The following FNTB variants were observed in gnomAD, a reference collection of about 807,000 sequenced individuals.
FNTB encodes the protein farnesyltransferase, CAAX box, subunit beta.
FNTB carries 27 observed loss-of-function variants against 59.4 expected under a neutral mutation model. That is an observed-to-expected ratio of 0.45 (90% CI 0.34 to 0.63). The LOEUF (loss-of-function observed/expected upper bound fraction) is 0.63. Ranked by LOEUF, FNTB falls within the 20% of genes least tolerant of loss-of-function variation. FNTB has a pLI of 0.02. For missense variants in FNTB, 449 were observed against 559.6 expected (o/e 0.80, Z 1.99); for synonymous variants, 230 against 220.7 (o/e 1.04, Z -0.37).
Position 65,011,211 on chromosome 14 carries a change from T to A in FNTB, c.210-1106T>A, listed in dbSNP as rs913183170. 6.6e-6 allele frequency among the ~76,000 whole-genome samples: 1 copy of A among 152,188 alleles called. No homozygotes were observed. Among genetic ancestry groups the A allele is most frequent in the African/African-American group, 2.4e-5 (1 of 41,442 alleles). On this transcript the variant is annotated intron_variant, in intron 2 of 11. Coordinates refer to ENST00000246166, the MANE Select transcript of FNTB (RefSeq NM_002028.4). This position sits in a 1 kb window ranked among gnomAD's most constrained non-coding sequence, Gnocchi z 4.0. ...TGGGAGGCCAAGGCAGGGGATTACCTGAGGTCAGGAGTTCAAGACCAGCCT... is the reference window on the plus strand; with the variant it reads ...TGGGAGGCCAAGGCAGGGGATTACCAGAGGTCAGGAGTTCAAGACCAGCCT...
intron 2 of FNTB, among the ~76,000 whole-genome samples, chr14:65,010,111 C>T (rs937789596): frequency 1.3e-5 from 2 of 152,316 alleles, no homozygotes; most frequent in South Asian, 2.1e-4. Context: ...TGTCTTTTCC[C>T]CTCAGTCTTG....
rs116076072 is a variant in FNTB at position 65,032,903 on chromosome 14, G to A, written c.692+207G>A. Among the ~76,000 whole-genome samples, 780 of 142,964 alleles carry A rather than the reference G, an allele frequency of 5.5e-3. 4 individuals are homozygous for A. The highest frequency in any genetic ancestry group is 0.019 in the African/African-American group (753 of 40,042). The allele number at this position is 142,964 out of a possible 152,430, so 93.8% of individuals were successfully genotyped here. A position where few individuals can be genotyped will look rare whatever the true frequency, so the allele number is the denominator to read the frequency against. On this transcript the variant is annotated intron_variant, in intron 7 of 11. Coordinates refer to ENST00000246166, the MANE Select transcript of FNTB (RefSeq NM_002028.4). This position sits in a 1 kb window ranked among gnomAD's most constrained non-coding sequence, Gnocchi z 5.0. ...TAATGTTATATTATATTTTAGATTG[G>A]CAAAGATAAAAAACTTTGGTAAACA...
At position 65,028,760 on chromosome 14, in the gene FNTB, C is replaced by T. The variant is rs966549992; in HGVS notation, c.605+979C>T. On this transcript the variant is annotated intron_variant, in intron 6 of 11. Transcript: ENST00000246166. The surrounding 1 kb of genome is among the most constrained non-coding windows in gnomAD (Gnocchi z 4.4). ...GTGTATACCAGTGAAACCAGTAGAA[C>T]GACTGAGGTAAATCAGTATGTGTTG... Among the ~76,000 whole-genome samples the T allele has an allele frequency of 3.0e-4, 46 of 152,258 alleles. No individual in the cohort carries two copies. Among genetic ancestry groups the T allele is most frequent in the African/African-American group, 1.0e-3 (42 of 41,558 alleles).
rs1421955146 is a variant in FNTB at position 65,004,250 on chromosome 14, C to T, written c.146C>T (p.Ala49Val). The change falls in exon 2 of 12, where the codon GCA becomes GTA. Residue 49 changes from alanine to valine, a missense_variant and splice_region_variant. This residue lies in a region of FNTB where 112 missense variants were observed against 80.5 expected (regional missense o/e 1.39). Transcript: ENST00000246166. ...TCCTATCTCCTGCATCCTTACCAGG[C>T]AAAAGTAGAAGAAAAGATCCAAGAG... ...SVETVTSIEQ[A>V]KVEEKIQEVF... 1 of 1,613,402 alleles carries T rather than the reference C, an allele frequency of 6.2e-7. No homozygotes were observed. The highest frequency in any genetic ancestry group is 2.2e-5 in the East Asian group (1 of 44,856).
At chr14:65,061,102 C>T in intron 11 of FNTB, 79 bp from the exon 12 acceptor site, 19 of 1,565,464 alleles carry the variant, frequency 1.2e-5, no homozygotes, top group Non-Finnish European at 1.6e-5. Flanking sequence ...CTTAGAAGTG[C>T]CTTTCATGGA....
intron 7 of FNTB, among the ~76,000 whole-genome samples, chr14:65,040,247 CTA>C (rs965434421): frequency 2.7e-5 from 4 of 148,116 alleles, no homozygotes; most frequent in Non-Finnish European, 4.5e-5. Flanking sequence ...ATGGTTATCA[CTA>C]TATATATATG....
Position 65,031,979 on chromosome 14 carries a change from CGTGTGTGTGTGTGT to C in FNTB, c.606-604_606-591del, listed in dbSNP as rs563468928. On this transcript the variant is annotated intron_variant, in intron 6 of 11. Transcript: ENST00000246166. This position sits in a 1 kb window ranked among gnomAD's most constrained non-coding sequence, Gnocchi z 4.6. ...ATAGACGTGCGCCTTTTTCATTTAA[CGTGTGTGTGTGTGT>C]GTGTGTGTGTGTGTGTGTGTGTGTG... Among the ~76,000 whole-genome samples the C allele has an allele frequency of 3.7e-4, 52 of 141,288 alleles. 1 individual carries two copies. Among genetic ancestry groups the C allele is most frequent in the African/African-American group, 9.8e-4 (37 of 37,890 alleles). 92.7% of individuals were successfully genotyped at this position (141,288 alleles called of 152,430 possible).
intron 4 of FNTB, among the ~76,000 whole-genome samples, chr14:65,020,594 C>T (rs988113097): frequency 3.3e-5 from 5 of 151,926 alleles, no homozygotes; most frequent in Non-Finnish European, 7.4e-5. Flanking sequence ...CCACCACACC[C>T]GGCTAATTTT....
intron 1 of FNTB, among the ~76,000 whole-genome samples, chr14:64,995,362 TGTA>T (rs1257595245): frequency 4.6e-5 from 7 of 152,206 alleles, no homozygotes; most frequent in Admixed American, 6.5e-5. Context: ...GAATTAGTAA[TGTA>T]GTTGTTTATT....
Position 65,004,267 on chromosome 14 carries a change from A to G in FNTB, c.163A>G (p.Ile55Val). The change falls in exon 2 of 12, where the codon ATC becomes GTC. Residue 55 changes from isoleucine (I) to valine (V), a missense_variant. This residue lies in a region of FNTB where 112 missense variants were observed against 80.5 expected (regional missense o/e 1.39). Transcript: ENST00000246166. ...SIEQAKVEEK[I>V]QEVFSSYKFN... ...TTACCAGGCAAAAGTAGAAGAAAAG[A>G]TCCAAGAGGTCTTCAGTTCTTACAA... The G allele has an allele frequency of 6.2e-7, 1 of 1,613,672 alleles. No individual in the cohort carries two copies. Among genetic ancestry groups the G allele is most frequent in the Non-Finnish European group, 8.5e-7 (1 of 1,179,728 alleles).
At chr14:65,003,103 C>G (rs185051907) in intron 1 of FNTB, among the ~76,000 whole-genome samples, 2 of 152,038 alleles carry the variant, frequency 1.3e-5, no homozygotes, top group Non-Finnish European at 2.9e-5. Flanking sequence ...CCATGTGGGG[C>G]GGTTTTAGCA....
rs924324200 is a variant in FNTB at position 65,060,484 on chromosome 14, C to G, written c.1183-697C>G. Among the ~76,000 whole-genome samples the G allele has an allele frequency of 3.5e-4, 40 of 114,998 alleles. 2 individuals carry two copies. The highest frequency in any genetic ancestry group is 2.3e-3 in the Admixed American group (30 of 13,022). The allele number at this position is 114,998 out of a possible 152,430, so 75.4% of individuals were successfully genotyped here. Reference sequence around the variant, plus strand: ...GGCCGAGGCGGGCGGATCACGAGGTCAGGAGATCGAGACCATCCCGGCTAA... The same window carrying G: ...GGCCGAGGCGGGCGGATCACGAGGTGAGGAGATCGAGACCATCCCGGCTAA... On this transcript the variant is annotated intron_variant, in intron 11 of 11. Transcript: ENST00000246166.
intron 4 of FNTB, among the ~76,000 whole-genome samples, chr14:65,026,402 G>A (rs952786503): frequency 3.3e-5 from 5 of 152,206 alleles, no homozygotes; most frequent in African/African-American, 7.2e-5. Context: ...GGGAATGGGA[G>A]CCTGTTTGAA....
chr14:65,033,038 C>T (rs11622366), intron 7 of FNTB, among the ~76,000 whole-genome samples: 16,953 of 152,200 alleles, frequency 0.11, 1,294 homozygotes, highest in Non-Finnish European at 0.17. Context: ...GAAACCCTTG[C>T]ACACACGAAT....
Position 65,032,542 on chromosome 14 carries a change from G to T in FNTB, c.606-68G>T, listed in dbSNP as rs111698510. On this transcript the variant is annotated intron_variant, in intron 6 of 11. Transcript: ENST00000246166. This position sits in a 1 kb window ranked among gnomAD's most constrained non-coding sequence, Gnocchi z 5.0. ...ACTAGGCAAGGCGAGCAGTCCGCCCGCGGAGTTCACTGAGCCTCATTAGCT... is the reference window on the plus strand; with the variant it reads ...ACTAGGCAAGGCGAGCAGTCCGCCCTCGGAGTTCACTGAGCCTCATTAGCT... 26 of 1,572,408 alleles carry T rather than the reference G, an allele frequency of 1.7e-5. No homozygotes were observed. The highest frequency in any genetic ancestry group is 6.8e-5 in the African/African-American group (5 of 73,854).
rs2062513653 is a variant in FNTB at position 65,047,692 on chromosome 14, G to A, written c.955+3249G>A. Among the ~76,000 whole-genome samples, 1 of 152,162 alleles carries A rather than the reference G, an allele frequency of 6.6e-6. No individual in the cohort carries two copies. Among genetic ancestry groups the A allele is most frequent in the Non-Finnish European group, 1.5e-5 (1 of 68,034 alleles). Reference sequence around the variant, plus strand: ...TTTACCTGCAGGGATATTAGCAAAGGATGTATATTGAAGTGGAGTTTCAAT... The same window carrying A: ...TTTACCTGCAGGGATATTAGCAAAGAATGTATATTGAAGTGGAGTTTCAAT... On this transcript the variant is annotated intron_variant, in intron 9 of 11. Coordinates refer to ENST00000246166, the MANE Select transcript of FNTB (RefSeq NM_002028.4). The surrounding 1 kb of genome is among the most constrained non-coding windows in gnomAD (Gnocchi z 5.2).
chr14:64,992,637 A>C (rs552133516), intron 1 of FNTB, among the ~76,000 whole-genome samples: 1 of 152,128 alleles, frequency 6.6e-6, no homozygotes, highest in Non-Finnish European at 1.5e-5. Flanking sequence ...CTTTTTTTTT[A>C]AGAAAGGGTC....
chr14:65,041,002 G>A, intron 8 of FNTB, 83 bp downstream of exon 8: 1 of 1,557,618 alleles, frequency 6.4e-7, no homozygotes, highest in Non-Finnish European at 8.7e-7. Flanking sequence ...CTTCAGGAGA[G>A]TTTGGCTATG....
intron 8 of FNTB, among the ~76,000 whole-genome samples, chr14:65,042,279 A>G (rs1202301420): frequency 6.6e-6 from 1 of 152,222 alleles, no homozygotes; most frequent in Non-Finnish European, 1.5e-5. Flanking sequence ...TGTAATATAT[A>G]ATGAAATAAT....
Sources: allele counts gnomAD v4.1 joint callset (sites outside exome capture counted in the v4.1 genomes callset), GRCh38; gene constraint gnomAD v4.1.1; regional missense constraint gnomAD v4.1.1; non-coding constraint Gnocchi (gnomAD v3.1); transcripts MANE v1.5; gene names NCBI Gene and HGNC (gene_info 2026-07-23, HGNC 2026-07-21).